The following RIMS2 variants were observed in gnomAD, a reference collection of about 807,000 sequenced individuals.
The protein encoded by RIMS2 is regulating synaptic membrane exocytosis 2, also known as regulating synaptic membrane exocytosis protein 2.
In RIMS2, 59 loss-of-function variants were observed where a neutral mutation model predicts 174.4. The ratio of observed to expected loss-of-function variants is 0.34; its 90% CI spans 0.27 to 0.42. The LOEUF is 0.42. Among genes scored for constraint, RIMS2 ranks in the 10% least tolerant of loss-of-function variants. The pLI, the probability that RIMS2 is intolerant of heterozygous loss-of-function variation, is 1.00. For synonymous variants in RIMS2, 606 were observed against 572.5 expected, an observed-to-expected ratio of 1.06 and a Z score of -0.84; for missense variants, 1,620 against 1,666.3, an observed-to-expected ratio of 0.97 and a Z score of 0.48.
chr8:104,161,539 C>T (rs2098761304), intron 19 of RIMS2, among the ~76,000 whole-genome samples: 1 of 152,006 alleles, frequency 6.6e-6, no homozygotes, highest in Admixed American at 6.6e-5. Context: ...AACATTTTGT[C>T]AATAAGAAAG....
chr8:103,915,068 T>G (rs2076401021), intron 6 of RIMS2, among the ~76,000 whole-genome samples: 1 of 152,066 alleles, frequency 6.6e-6, no homozygotes, highest in African/African-American at 2.4e-5. Flanking sequence ...TAAAAGATTA[T>G]CAATGAAAAT....
chr8:103,606,630 G>T (rs2095102543), intron 1 of RIMS2, among the ~76,000 whole-genome samples: 1 of 152,076 alleles, frequency 6.6e-6, no homozygotes, highest in Non-Finnish European at 1.5e-5. Flanking sequence ...TAATGTGTGG[G>T]AGTCTAAGTC....
Position 103,548,068 on chromosome 8 carries a change from A to G in RIMS2, c.176+47006A>G, listed in dbSNP as rs1845931550. On this transcript the variant is annotated intron_variant, in intron 1 of 23. Transcript: ENST00000504942. Reference sequence around the variant, plus strand: ...CAGGAGCAGATGAATCCACAGTTGGATTCTATCAGATTTATAAAGAAGATC... The same window carrying G: ...CAGGAGCAGATGAATCCACAGTTGGGTTCTATCAGATTTATAAAGAAGATC... Among the ~76,000 whole-genome samples, 3 of 152,294 alleles carry G rather than the reference A, an allele frequency of 2.0e-5. No homozygotes were observed. The South Asian group carries it at 6.2e-4, about 32-fold the overall frequency.
At chr8:104,060,002 G>A (rs962160154) in intron 19 of RIMS2, among the ~76,000 whole-genome samples, 12 of 151,844 alleles carry the variant, frequency 7.9e-5, no homozygotes, top group African/African-American at 9.7e-5. Context: ...TTGCATCAAT[G>A]TTCATCAAGG....
chr8:104,230,780 C>T (rs2099222994), intron 19 of RIMS2, among the ~76,000 whole-genome samples: 1 of 152,126 alleles, frequency 6.6e-6, no homozygotes, highest in African/African-American at 2.4e-5. Context: ...AAGACAAGGA[C>T]TCAAAGAGCT....
chr8:103,587,409 GAAGAAAGA>G (rs201019003), intron 1 of RIMS2, among the ~76,000 whole-genome samples: 11,065 of 117,020 alleles, frequency 0.095, 551 homozygotes, highest in East Asian at 0.13. Flanking sequence ...GAAGAAAAAA[GAAGAAAGA>G]AAGAAAGAAA....
chr8:104,032,924 A>G (rs545736597), intron 19 of RIMS2, among the ~76,000 whole-genome samples: 156 of 152,106 alleles, frequency 1.0e-3, no homozygotes, highest in African/African-American at 3.5e-3. Context: ...CTCACACAGC[A>G]TATTATGTCT....
chr8:103,545,381 G>A (rs1380396174), intron 1 of RIMS2, among the ~76,000 whole-genome samples: 2 of 152,058 alleles, frequency 1.3e-5, no homozygotes, highest in Admixed American at 1.3e-4. Flanking sequence ...ATTATGTATA[G>A]AGACCAAATC....
chr8:103,886,178 A>G (rs1300996727), exon 4 of RIMS2: 1 of 1,612,290 alleles, frequency 6.2e-7, no homozygotes, highest in Non-Finnish European at 8.5e-7. Flanking sequence ...TGAATATACA[A>G]GTTGTGATGA....
At chr8:103,871,539 A>G (rs963359548) in intron 3 of RIMS2, among the ~76,000 whole-genome samples, 2 of 152,036 alleles carry the variant, frequency 1.3e-5, no homozygotes, top group African/African-American at 2.4e-5. Flanking sequence ...TATTTTCTAT[A>G]TGATCTACCA....
At chr8:104,158,429 G>T (rs1231829935) in intron 19 of RIMS2, among the ~76,000 whole-genome samples, 2 of 152,070 alleles carry the variant, frequency 1.3e-5, no homozygotes, top group Non-Finnish European at 2.9e-5. Flanking sequence ...GGGATTGCTG[G>T]GTCAAGAGGT....
Position 103,698,372 on chromosome 8 carries a change from G to A in RIMS2, c.387+1076G>A, listed in dbSNP as rs546253144. ...TTCACTATTAGGTATAAAGTTAGCT[G>A]TACGCTTTTCACAGATGCCATCTAT... On this transcript the variant is annotated intron_variant, in intron 2 of 23. Transcript: ENST00000504942. 2.0e-5 allele frequency among the ~76,000 whole-genome samples: 3 copies of A among 152,266 alleles called. No homozygotes were observed. In the East Asian group the frequency reaches 5.8e-4, roughly 29 times the overall value.
At chr8:103,534,537 A>G (rs1404823493) in intron 1 of RIMS2, among the ~76,000 whole-genome samples, 1 of 152,226 alleles carries the variant, frequency 6.6e-6, no homozygotes, top group Non-Finnish European at 1.5e-5. Flanking sequence ...TCAATTAAAA[A>G]CATTCTCATT....
intron 19 of RIMS2, among the ~76,000 whole-genome samples, chr8:104,142,059 G>A (rs2098583231): frequency 6.6e-6 from 1 of 151,166 alleles, no homozygotes; most frequent in Non-Finnish European, 1.5e-5. Flanking sequence ...AATAATGCCT[G>A]CTACATAGCC....
intron 17 of RIMS2, among the ~76,000 whole-genome samples, chr8:104,013,110 A>G (rs754911536): frequency 1.1e-4 from 16 of 152,174 alleles, no homozygotes; most frequent in Non-Finnish European, 1.9e-4. Context: ...AGGAAAAGTC[A>G]TTGAATTCTT....
At chr8:103,936,498 G>A (rs1205279971) in intron 12 of RIMS2, 53 bp from the exon 15 acceptor site, 4 of 1,222,952 alleles carry the variant, frequency 3.3e-6, no homozygotes, top group African/African-American at 1.6e-5. Flanking sequence ...AAAAATTTTA[G>A]GACAAAACTT....
intron 3 of RIMS2, among the ~76,000 whole-genome samples, chr8:103,827,003 A>C (rs1170612665): frequency 4.6e-5 from 7 of 152,052 alleles, no homozygotes; most frequent in Admixed American, 4.6e-4. Flanking sequence ...TCACTTTGTT[A>C]ATTTTGATTT....
intron 3 of RIMS2, among the ~76,000 whole-genome samples, chr8:103,879,989 C>A (rs111504613): frequency 0.011 from 1,699 of 151,632 alleles, 40 homozygotes; most frequent in African/African-American, 0.039. Context: ...GTCTAACCAA[C>A]TTCTTAGTTA....
chr8:103,709,731 A>G (rs1425593319), intron 2 of RIMS2, among the ~76,000 whole-genome samples: 1 of 151,842 alleles, frequency 6.6e-6, no homozygotes, highest in African/African-American at 2.4e-5. Context: ...TTCACCGATC[A>G]TTACTGAGCT....
Sources: allele counts gnomAD v4.1 joint callset (sites outside exome capture counted in the v4.1 genomes callset), GRCh38; gene constraint gnomAD v4.1.1; transcripts MANE v1.5; gene names NCBI Gene and HGNC (gene_info 2026-07-23, HGNC 2026-07-21).